CCSER1: variants seen among roughly 807,000 people sequenced by gnomAD.
CCSER1 encodes the protein coiled-coil serine rich protein 1, also known as serine-rich coiled-coil domain-containing protein 1.
CCSER1 carries 41 observed loss-of-function variants against 82.0 expected under a neutral mutation model. The observed-to-expected ratio is 0.50, with a 90% CI of 0.39 to 0.65. The LOEUF (loss-of-function observed/expected upper bound fraction) is 0.65, where lower values mean the gene tolerates loss of function less well. CCSER1 is among the 30% of genes least tolerant of loss of function. The probability of loss-of-function intolerance (pLI) is 0.00; values close to 1 mark genes in which losing one functional copy is unlikely to be tolerated. For synonymous variants in CCSER1, 414 were observed against 383.9 expected (o/e 1.08, Z -0.92); for missense variants, 1,119 against 1,064.2 (o/e 1.05, Z -0.72).
At chr4:90,898,269 CTTTTTTTTTTTTTTTTT>C (rs70963094) in intron 8 of CCSER1, among the ~76,000 whole-genome samples, 4 of 52,542 alleles carry the variant, frequency 7.6e-5, no homozygotes, top group East Asian at 3.7e-4. Flanking sequence ...TTTAATCCAT[CTTTTTTTTTTTTTTTTT>C]TTTTTTTTTT....
intron 4 of CCSER1, among the ~76,000 whole-genome samples, chr4:90,422,584 GTC>G (rs140011451): frequency 8.0e-5 from 12 of 150,422 alleles, no homozygotes; most frequent in South Asian, 2.1e-4. Context: ...AACAGAGTGA[GTC>G]TCTCTCTCTC....
At chr4:90,505,780 G>C (rs1338690395) in intron 5 of CCSER1, among the ~76,000 whole-genome samples, 1 of 152,118 alleles carries the variant, frequency 6.6e-6, no homozygotes, top group Non-Finnish European at 1.5e-5. Flanking sequence ...GAGCAGTGAG[G>C]ACAACCAGAG....
chr4:91,185,474 G>A (rs145396471), intron 10 of CCSER1, among the ~76,000 whole-genome samples: 1,540 of 152,328 alleles, frequency 0.01, 12 homozygotes, highest in African/African-American at 0.025. Flanking sequence ...TTTTGTGGGG[G>A]TTCCCCAGGC....
At chr4:91,416,248 A>C (rs1753356719) in intron 10 of CCSER1, among the ~76,000 whole-genome samples, 1 of 152,308 alleles carries the variant, frequency 6.6e-6, no homozygotes, top group East Asian at 1.9e-4. Flanking sequence ...GATAGGAAGA[A>C]TCAATATTGT....
At chr4:91,314,795 G>A (rs1238263518) in intron 10 of CCSER1, among the ~76,000 whole-genome samples, 1 of 151,938 alleles carries the variant, frequency 6.6e-6, no homozygotes, top group Non-Finnish European at 1.5e-5. Flanking sequence ...AGGAGCAATA[G>A]CTATGTCTGA....
chr4:91,401,710 C>G (rs1752346210), intron 10 of CCSER1, among the ~76,000 whole-genome samples: 1 of 152,134 alleles, frequency 6.6e-6, no homozygotes, highest in South Asian at 2.1e-4. Context: ...TCATCCATAT[C>G]CCTACAAAGG....
chr4:90,754,081 G>A (rs1365047097), intron 7 of CCSER1, among the ~76,000 whole-genome samples: 1 of 152,026 alleles, frequency 6.6e-6, no homozygotes, highest in Non-Finnish European at 1.5e-5. Flanking sequence ...TTTCTGTTTT[G>A]TTTTTCTTCA....
chr4:90,298,758 A>G (rs1191183211), intron 1 of CCSER1, among the ~76,000 whole-genome samples: 1 of 152,168 alleles, frequency 6.6e-6, no homozygotes. Context: ...TGTACCCAGT[A>G]GTCATTCAGG....
At chr4:91,230,793 CACAATTATAACTCTTTAAAATAT>C (rs1379703069) in intron 10 of CCSER1, among the ~76,000 whole-genome samples, 1 of 151,666 alleles carries the variant, frequency 6.6e-6, no homozygotes, top group East Asian at 1.9e-4. Context: ...CAAGTTAAAA[CACAATTATAACTCTTTAAAATAT>C]ACAAAATAAT....
At chr4:90,441,861 A>G (rs909141660) in intron 4 of CCSER1, among the ~76,000 whole-genome samples, 5 of 152,242 alleles carry the variant, frequency 3.3e-5, no homozygotes, top group African/African-American at 1.2e-4. Flanking sequence ...AACTGTTCTG[A>G]ATAAAGGAAG....
intron 9 of CCSER1, among the ~76,000 whole-genome samples, chr4:90,959,268 C>T (rs1266453480): frequency 6.6e-6 from 1 of 152,126 alleles, no homozygotes; most frequent in Non-Finnish European, 1.5e-5. Flanking sequence ...TGCCTATTTC[C>T]AATATCTATA....
chr4:91,508,896 C>T (rs980726980), intron 10 of CCSER1, among the ~76,000 whole-genome samples: 13 of 151,614 alleles, frequency 8.6e-5, no homozygotes, highest in African/African-American at 2.4e-4. Context: ...ATAATATTTC[C>T]CCTTGATCCC....
At chr4:90,734,347 G>T (rs763111559) in intron 7 of CCSER1, among the ~76,000 whole-genome samples, 4 of 151,906 alleles carry the variant, frequency 2.6e-5, no homozygotes, top group Admixed American at 6.6e-5. Flanking sequence ...GGATGGTCTC[G>T]ATCTCCTGAC....
chr4:91,490,922 ATATAT>A (rs1560712499), intron 10 of CCSER1, among the ~76,000 whole-genome samples: 7 of 88,312 alleles, frequency 7.9e-5, no homozygotes, highest in South Asian at 3.4e-4. Context: ...ATATATATAT[ATATAT>A]AAAATATGCG....
chr4:91,094,850 T>G (rs1004835062), intron 10 of CCSER1, among the ~76,000 whole-genome samples: 5 of 152,142 alleles, frequency 3.3e-5, no homozygotes. Flanking sequence ...TCCTGGTAAC[T>G]TCAGTTGTAA....
rs1380721936 is a variant in CCSER1, at chr4:91,601,889, A to ATAAT, written c.*2835_*2838dup. The ATAAT allele has an allele frequency of 6.6e-6, 1 of 152,126 alleles. No homozygotes were observed. The highest frequency in any genetic ancestry group is 1.5e-5 in the Non-Finnish European group (1 of 67,956). 9.4% of individuals were successfully genotyped at this position (152,126 alleles called of 1,614,324 possible). Reference sequence around the variant, plus strand: ...CCTGAAATAAACTGTTCCCATTTTTATAATTATTGGAACATGAAACTGTAT... The same window carrying ATAAT: ...CCTGAAATAAACTGTTCCCATTTTTATAATTAATTATTGGAACATGAAACTGTAT... On this transcript the variant is annotated 3_prime_UTR_variant, in exon 11 of 11. Transcript: ENST00000509176.
At chr4:90,856,337 A>C (rs570402926) in intron 8 of CCSER1, among the ~76,000 whole-genome samples, 57 of 152,292 alleles carry the variant, frequency 3.7e-4, no homozygotes, top group Non-Finnish European at 7.2e-4. Flanking sequence ...TTTATAAGAT[A>C]ATATATAGAA....
At chr4:90,613,834 A>C (rs1220490727) in intron 5 of CCSER1, among the ~76,000 whole-genome samples, 1 of 152,034 alleles carries the variant, frequency 6.6e-6, no homozygotes, top group African/African-American at 2.4e-5. Context: ...CCTTTCTTAC[A>C]CTCCTGTGAC....
chr4:91,017,821 G>A (rs865917410), intron 9 of CCSER1, among the ~76,000 whole-genome samples: 56 of 140,472 alleles, frequency 4.0e-4, no homozygotes, highest in Middle Eastern at 7.5e-3. Flanking sequence ...TTGTGTGTGT[G>A]TGTGTGTGTG....
Sources: gnomAD v4.1 joint callset for allele counts (sites outside exome capture counted in the v4.1 genomes callset) on GRCh38, gnomAD v4.1.1 for gene constraint, MANE v1.5 for transcripts, NCBI Gene and HGNC (gene_info 2026-07-23, HGNC 2026-07-21) for gene names.